ST6GALNAC3: variants seen among roughly 807,000 people sequenced by gnomAD.
The protein encoded by ST6GALNAC3 is alpha-N-acetylgalactosaminide alpha-2,6-sialyltransferase 3.
In ST6GALNAC3, 25 loss-of-function variants were observed where a neutral mutation model predicts 32.7. That is an observed-to-expected ratio of 0.76 (90% CI 0.56 to 1.07). The LOEUF (loss-of-function observed/expected upper bound fraction) is 1.07. Among genes scored for constraint, ST6GALNAC3 ranks in the 50% least tolerant of loss-of-function variants. The pLI is 0.00. For missense variants in ST6GALNAC3, 355 were observed against 382.4 expected (o/e 0.93, Z 0.60); for synonymous variants, 129 against 133.1 (o/e 0.97, Z 0.21).
At chr1:76,605,215 TAGA>T (rs369349606) in intron 3 of ST6GALNAC3, among the ~76,000 whole-genome samples, 9 of 152,282 alleles carry the variant, frequency 5.9e-5, no homozygotes, top group African/African-American at 2.2e-4. Flanking sequence ...CAGATGTTGA[TAGA>T]AGATGATATT....
intron 1 of ST6GALNAC3, among the ~76,000 whole-genome samples, chr1:76,169,111 C>T (rs411756): frequency 0.72 from 108,793 of 152,042 alleles, 40,719 homozygotes; most frequent in East Asian, 0.94. Context: ...CCATATTTAG[C>T]GTTTCCTTCA....
chr1:76,490,186 A>C (rs1314648098), intron 3 of ST6GALNAC3, among the ~76,000 whole-genome samples: 1 of 152,056 alleles, frequency 6.6e-6, no homozygotes, highest in East Asian at 1.9e-4. Flanking sequence ...TCCCCTCTCC[A>C]GACCTGAGGT....
intron 3 of ST6GALNAC3, among the ~76,000 whole-genome samples, chr1:76,613,738 T>C (rs1648094429): frequency 6.6e-6 from 1 of 152,246 alleles, no homozygotes; most frequent in South Asian, 2.1e-4. Flanking sequence ...ACGTAAGACG[T>C]GCCTCCTTCC....
At chr1:76,206,404 T>G (rs1373233503) in intron 1 of ST6GALNAC3, among the ~76,000 whole-genome samples, 2 of 152,134 alleles carry the variant, frequency 1.3e-5, no homozygotes, top group African/African-American at 4.8e-5. Flanking sequence ...GATTAGGCAG[T>G]TGACAATATT....
At chr1:76,607,557 G>A (rs1647641831) in intron 3 of ST6GALNAC3, among the ~76,000 whole-genome samples, 1 of 152,052 alleles carries the variant, frequency 6.6e-6, no homozygotes, top group South Asian at 2.1e-4. Context: ...AGAAACTAGG[G>A]ACTAAGGCCA....
At chr1:76,423,168 T>G (rs1655148749) in intron 3 of ST6GALNAC3, among the ~76,000 whole-genome samples, 1 of 152,058 alleles carries the variant, frequency 6.6e-6, no homozygotes, top group South Asian at 2.1e-4. Context: ...TAGCACTGTT[T>G]GACAACTGCC....
chr1:76,323,680 A>G (rs1361824476), intron 2 of ST6GALNAC3, among the ~76,000 whole-genome samples: 1 of 152,248 alleles, frequency 6.6e-6, no homozygotes, highest in East Asian at 1.9e-4. Flanking sequence ...CTAATAAAGA[A>G]GGTAGAATAA....
chr1:76,469,371 T>C (rs1413441849), intron 3 of ST6GALNAC3, among the ~76,000 whole-genome samples: 2 of 152,066 alleles, frequency 1.3e-5, no homozygotes, highest in Admixed American at 1.3e-4. Flanking sequence ...TTGCCTAGTG[T>C]AGGTGTTTAG....
chr1:76,602,167 A>G (rs543019252), intron 3 of ST6GALNAC3, among the ~76,000 whole-genome samples: 1 of 152,326 alleles, frequency 6.6e-6, no homozygotes, highest in East Asian at 1.9e-4. Flanking sequence ...AGCTTGGTTA[A>G]GGATTGCATG....
At chr1:76,151,357 T>C (rs561782301) in intron 1 of ST6GALNAC3, among the ~76,000 whole-genome samples, 1 of 152,326 alleles carries the variant, frequency 6.6e-6, no homozygotes, top group South Asian at 2.1e-4. Context: ...GCCTACTTTC[T>C]ACATCACAGG....
At chr1:76,162,132 A>T (rs1271435840) in intron 1 of ST6GALNAC3, among the ~76,000 whole-genome samples, 1 of 152,238 alleles carries the variant, frequency 6.6e-6, no homozygotes, top group Non-Finnish European at 1.5e-5. Flanking sequence ...TTGCTGCTTA[A>T]CAGCTGTGTG....
intron 3 of ST6GALNAC3, among the ~76,000 whole-genome samples, chr1:76,471,192 T>C (rs1250703259): frequency 6.6e-6 from 1 of 152,074 alleles, no homozygotes; most frequent in Non-Finnish European, 1.5e-5. Context: ...CCTCTGTGAG[T>C]GTCCTGGAAT....
intron 3 of ST6GALNAC3, among the ~76,000 whole-genome samples, chr1:76,618,931 T>C (rs1648463511): frequency 6.6e-6 from 1 of 152,198 alleles, no homozygotes; most frequent in African/African-American, 2.4e-5. Context: ...GAATGAACAA[T>C]ATAATCTAGC....
chr1:76,211,485 A>G (rs1022640094), intron 1 of ST6GALNAC3, among the ~76,000 whole-genome samples: 4 of 152,218 alleles, frequency 2.6e-5, no homozygotes, highest in African/African-American at 7.2e-5. Flanking sequence ...ACACGTGCAC[A>G]TGTATGTTTA....
chr1:76,471,740 T>C (rs990144158), intron 3 of ST6GALNAC3, among the ~76,000 whole-genome samples: 10 of 152,150 alleles, frequency 6.6e-5, no homozygotes, highest in Non-Finnish European at 7.4e-5. Flanking sequence ...ATGAGCCATT[T>C]CCTTTTGTTT....
intron 1 of ST6GALNAC3, among the ~76,000 whole-genome samples, chr1:76,127,762 G>C (rs906816984): frequency 6.6e-6 from 1 of 152,126 alleles, no homozygotes; most frequent in African/African-American, 2.4e-5. Context: ...GCCCACCTAG[G>C]GAGGCAGTCT....
chr1:76,255,499 A>C (rs1657870127), intron 1 of ST6GALNAC3, among the ~76,000 whole-genome samples: 2 of 152,092 alleles, frequency 1.3e-5, no homozygotes, highest in Admixed American at 6.6e-5. Context: ...TTGAGAATAA[A>C]GTCTTGCAGA....
At chr1:76,347,044 G>A (rs1486818045) in intron 2 of ST6GALNAC3, among the ~76,000 whole-genome samples, 2 of 151,484 alleles carry the variant, frequency 1.3e-5, no homozygotes, top group African/African-American at 4.8e-5. Context: ...TCCTTTCACT[G>A]TCATGCCACA....
At chr1:76,143,918 C>T (rs1650505097) in intron 1 of ST6GALNAC3, among the ~76,000 whole-genome samples, 1 of 152,180 alleles carries the variant, frequency 6.6e-6, no homozygotes, top group Admixed American at 6.5e-5. Flanking sequence ...CACTGGACCA[C>T]TTCCTAGCTT....
Sources: allele counts gnomAD v4.1 joint callset (sites outside exome capture counted in the v4.1 genomes callset), GRCh38; gene constraint gnomAD v4.1.1; transcripts MANE v1.5; gene names NCBI Gene and HGNC (gene_info 2026-07-23, HGNC 2026-07-21).